The following HRH4 variants were observed in gnomAD, a reference collection of about 807,000 sequenced individuals.
HRH4 encodes the protein histamine H4 receptor.
In HRH4, 12 loss-of-function variants were observed where a neutral mutation model predicts 10.4. That is an observed-to-expected ratio of 1.15 (90% CI 0.74 to 1.87). The LOEUF is 1.87. Among genes scored for constraint, HRH4 ranks in the 40% most tolerant of loss-of-function variants. HRH4 has a pLI of 0.00. For synonymous variants in HRH4, 154 were observed against 166.6 expected, an observed-to-expected ratio of 0.92 and a Z score of 0.58; for missense variants, 415 against 453.3, an observed-to-expected ratio of 0.92 and a Z score of 0.77.
intron 1 of HRH4, among the ~76,000 whole-genome samples, chr18:24,462,409 CTG>C (rs986988406): frequency 5.3e-5 from 8 of 152,014 alleles, no homozygotes; most frequent in African/African-American, 1.9e-4. Flanking sequence ...AATGGGGAAA[CTG>C]GAGTGTGGGG....
chr18:24,468,773 G>A lies in HRH4; in HGVS notation c.194-15G>A, dbSNP rs1909848153. On this transcript the variant is annotated splice_polypyrimidine_tract_variant and intron_variant, in intron 1 of 2. Transcript: ENST00000256906. ...ATGTGCGCTATGTTTTTACACTTATGTTTTCCCTGTGCAGGTGTGATCTCC... is the reference window on the plus strand; with the variant it reads ...ATGTGCGCTATGTTTTTACACTTATATTTTCCCTGTGCAGGTGTGATCTCC... 1 of 1,605,090 alleles carries A rather than the reference G, an allele frequency of 6.2e-7. No individual in the cohort carries two copies. Among genetic ancestry groups the A allele is most frequent in the African/African-American group, 1.3e-5 (1 of 74,546 alleles).
At chr18:24,464,920 G>A (rs776304679) in intron 1 of HRH4, among the ~76,000 whole-genome samples, 3 of 152,120 alleles carry the variant, frequency 2.0e-5, no homozygotes, top group Non-Finnish European at 4.4e-5. Context: ...AAAAAATGCA[G>A]AGAGGAGGGA....
intron 2 of HRH4, among the ~76,000 whole-genome samples, chr18:24,469,176 A>C (rs8088140): frequency 0.66 from 100,793 of 152,010 alleles, 35,055 homozygotes; most frequent in Admixed American, 0.77. Flanking sequence ...ATCAAAGAAA[A>C]CCCAAGGCAA....
intron 1 of HRH4, among the ~76,000 whole-genome samples, chr18:24,463,016 T>G (rs1909682023): frequency 6.6e-6 from 1 of 151,998 alleles, no homozygotes; most frequent in African/African-American, 2.4e-5. Flanking sequence ...CCAAAGGGAG[T>G]GAGGCCCTGA....
chr18:24,469,826 C>A (rs1406419376), intron 2 of HRH4, among the ~76,000 whole-genome samples: 2 of 152,004 alleles, frequency 1.3e-5, no homozygotes, highest in Admixed American at 1.3e-4. Flanking sequence ...AGCTGCGTGT[C>A]GCGGGGGTTT....
intron 1 of HRH4, among the ~76,000 whole-genome samples, chr18:24,465,609 G>T (rs189474337): frequency 6.6e-6 from 1 of 152,310 alleles, no homozygotes; most frequent in East Asian, 1.9e-4. Context: ...ACACTTCAGA[G>T]TAGGTATATT....
chr18:24,466,540 A>G (rs1346168941), intron 1 of HRH4, among the ~76,000 whole-genome samples: 1 of 152,144 alleles, frequency 6.6e-6, no homozygotes, highest in Non-Finnish European at 1.5e-5. Context: ...AGGTTATTTA[A>G]ACTACATATA....
At chr18:24,467,279 C>T (rs2144370198) in intron 1 of HRH4, among the ~76,000 whole-genome samples, 1 of 152,206 alleles carries the variant, frequency 6.6e-6, no homozygotes, top group Non-Finnish European at 1.5e-5. Context: ...AGTCATTGGC[C>T]AACTCTAGAG....
intron 1 of HRH4, among the ~76,000 whole-genome samples, chr18:24,465,865 G>A (rs1402529752): frequency 6.6e-6 from 1 of 152,120 alleles, no homozygotes; most frequent in East Asian, 1.9e-4. Context: ...GCATAAATCA[G>A]AAAGCGTGTG....
chr18:24,473,111 C>T, intron 2 of HRH4, among the ~76,000 whole-genome samples: 1 of 151,864 alleles, frequency 6.6e-6, no homozygotes, highest in Non-Finnish European at 1.5e-5. Flanking sequence ...GCCAAGATCG[C>T]ACCACTGCAC....
At chr18:24,466,986 T>C (rs866851114) in intron 1 of HRH4, among the ~76,000 whole-genome samples, 53 of 152,214 alleles carry the variant, frequency 3.5e-4, no homozygotes, top group African/African-American at 1.1e-3. Context: ...AGCTTATCTA[T>C]TTGTTCATGC....
chr18:24,469,088 G>T, intron 2 of HRH4, 137 bp downstream of exon 2: 1 of 627,558 alleles, frequency 1.6e-6, no homozygotes, highest in Non-Finnish European at 2.6e-6. Context: ...TTTGTTGTCT[G>T]GCATAAAGTT....
At position 24,468,880 on chromosome 18, in the gene HRH4, CTGTTA is replaced by C. The variant is rs1909856844; in HGVS notation, c.290_294del (p.Leu97TyrfsTer6). ...TGTATTTTGGCTCACTACTGACTAT[CTGTTA>C]TGTACAGCATCTGTATATAACATTG... is the stretch of plus-strand genomic sequence containing the variant. On this transcript the variant is annotated frameshift_variant, in exon 2 of 3. Coordinates refer to ENST00000256906, the MANE Select transcript of HRH4 (RefSeq NM_021624.4). LOFTEE classifies it high-confidence loss of function. 1.7e-5 allele frequency: 27 copies of C among 1,613,258 alleles called. No homozygotes were observed. Among genetic ancestry groups the C allele is most frequent in the Non-Finnish European group, 2.3e-5 (27 of 1,179,338 alleles).
At chr18:24,469,147 A>C (rs558719257) in intron 2 of HRH4, among the ~76,000 whole-genome samples, 196 bp downstream of exon 2, 1 of 152,308 alleles carries the variant, frequency 6.6e-6, no homozygotes, top group East Asian at 1.9e-4. Context: ...TCACCTATGC[A>C]CCATTGAAAT....
chr18:24,476,855 T>A lies in HRH4; in HGVS notation c.466T>A (p.Ser156Thr). 6.2e-7 allele frequency: 1 copy of A among 1,614,192 alleles called. No individual in the cohort carries two copies. Among genetic ancestry groups the A allele is most frequent in the Non-Finnish European group, 8.5e-7 (1 of 1,180,022 alleles). ...TGGGCCAATGATTCTAGTTTCAGAGTCTTGGAAGGATGAAGGTAGTGAATG... is the reference window on the plus strand; with the variant it reads ...TGGGCCAATGATTCTAGTTTCAGAGACTTGGAAGGATGAAGGTAGTGAATG... ...VNGPMILVSESWKDEGSECEP... is the reference protein window; with the variant it reads ...VNGPMILVSETWKDEGSECEP... The change falls in exon 3 of 3, where the codon TCT becomes ACT. Residue 156 changes from serine (S) to threonine (T), a missense_variant. Coordinates refer to ENST00000256906, the MANE Select transcript of HRH4 (RefSeq NM_021624.4).
rs1338676302 is a variant in HRH4 at position 24,476,596 on chromosome 18, T to G, written c.358-151T>G. On this transcript the variant is annotated intron_variant, in intron 2 of 2. Transcript: ENST00000256906. Reference sequence around the variant, plus strand: ...CCTCTTGGTCCAGGCTTCACTGAAGTCAAACCCTCTGTCCTGGTCCACATC... The same window carrying G: ...CCTCTTGGTCCAGGCTTCACTGAAGGCAAACCCTCTGTCCTGGTCCACATC... 1.7e-5 allele frequency: 11 copies of G among 635,136 alleles called. 1 individual carries two copies. The East Asian group carries it at 3.0e-4, about 17-fold the overall frequency. 39.3% of individuals were successfully genotyped at this position (635,136 alleles called of 1,614,324 possible). A position where few individuals can be genotyped will look rare whatever the true frequency, so the allele number is the denominator to read the frequency against.
chr18:24,479,913 CAAT>C lies in HRH4; in HGVS notation c.*2358_*2360del, dbSNP rs1236681676. The C allele has an allele frequency of 6.6e-6, 1 of 152,048 alleles. No individual in the cohort carries two copies. The highest frequency in any genetic ancestry group is 1.5e-5 in the Non-Finnish European group (1 of 68,008). 9.4% of individuals were successfully genotyped at this position (152,048 alleles called of 1,614,324 possible). The stretch of plus-strand genomic sequence containing the variant: ...ATATGAGAAATACATGTTTAACATT[CAAT>C]AATAATTTTAAAAATTTGAGAAATA... On this transcript the variant is annotated 3_prime_UTR_variant, in exon 3 of 3. Coordinates refer to ENST00000256906, the MANE Select transcript of HRH4 (RefSeq NM_021624.4).
chr18:24,475,613 G>A (rs532093519), intron 2 of HRH4, among the ~76,000 whole-genome samples: 9 of 152,302 alleles, frequency 5.9e-5, no homozygotes, highest in South Asian at 2.1e-4. Flanking sequence ...GCAACAGAAC[G>A]AGACCCTGTC....
intron 2 of HRH4, among the ~76,000 whole-genome samples, chr18:24,472,821 C>T (rs1910009218): frequency 6.6e-6 from 1 of 152,034 alleles, no homozygotes; most frequent in Admixed American, 6.6e-5. Flanking sequence ...GGAAGGAGAA[C>T]AGCAGGGCTT....
Sources: allele counts gnomAD v4.1 joint callset (sites outside exome capture counted in the v4.1 genomes callset), GRCh38; gene constraint gnomAD v4.1.1; transcripts MANE v1.5; gene names NCBI Gene and HGNC (gene_info 2026-07-23, HGNC 2026-07-21).